GRK5: variants seen among roughly 807,000 people sequenced by gnomAD.
The protein encoded by GRK5 is G protein-coupled receptor kinase 5, also known as g protein-coupled receptor kinase GRK5.
GRK5 carries 40 observed loss-of-function variants against 78.4 expected under a neutral mutation model. That is an observed-to-expected ratio of 0.51 (90% CI 0.40 to 0.66). The LOEUF (loss-of-function observed/expected upper bound fraction) is 0.66. Ranked by LOEUF, GRK5 falls within the 30% of genes least tolerant of loss-of-function variation. The pLI is 0.00. For missense variants in GRK5, 598 were observed against 759.9 expected (o/e 0.79, Z 2.50); for synonymous variants, 289 against 296.8 (o/e 0.97, Z 0.27).
intron 2 of GRK5, among the ~76,000 whole-genome samples, chr10:119,380,526 A>G (rs1851694025): frequency 6.6e-6 from 1 of 152,242 alleles, no homozygotes; most frequent in African/African-American, 2.4e-5. Context: ...ATGGCCACCA[A>G]GGAGATGGAA....
chr10:119,384,771 C>T (rs1384356809), intron 3 of GRK5, among the ~76,000 whole-genome samples: 2 of 152,114 alleles, frequency 1.3e-5, no homozygotes, highest in African/African-American at 4.8e-5. Context: ...GAGGTAGGCC[C>T]AGAACCCAGG....
At chr10:119,257,105 G>A (rs1849298960) in intron 1 of GRK5, among the ~76,000 whole-genome samples, 1 of 152,240 alleles carries the variant, frequency 6.6e-6, no homozygotes, top group African/African-American at 2.4e-5. Flanking sequence ...TTGGATGGAT[G>A]TACCACAATT....
chr10:119,311,131 T>G (rs1258393693), intron 1 of GRK5, among the ~76,000 whole-genome samples: 1 of 152,186 alleles, frequency 6.6e-6, no homozygotes, highest in Non-Finnish European at 1.5e-5. Flanking sequence ...GTGGCTTATT[T>G]GTTGTTGTTT....
intron 1 of GRK5, among the ~76,000 whole-genome samples, chr10:119,269,601 C>T (rs1257838230): frequency 3.3e-5 from 5 of 151,842 alleles, no homozygotes; most frequent in East Asian, 1.9e-4. Context: ...GAGGCCAAAG[C>T]GGGTGGATCA....
chr10:119,325,242 G>T (rs1850654310), intron 1 of GRK5, among the ~76,000 whole-genome samples: 1 of 152,206 alleles, frequency 6.6e-6, no homozygotes, highest in Non-Finnish European at 1.5e-5. Flanking sequence ...TGGGAGGAAG[G>T]CCTTACTGTC....
chr10:119,452,945 A>G lies in GRK5; in HGVS notation c.1542+137A>G, dbSNP rs538970125. ...GTTTTCTCCATGAAGGCAGCACACA[A>G]AAGCTGTCAGTGGCCAAGTAGGGAG... is the stretch of plus-strand genomic sequence containing the variant. On this transcript the variant is annotated intron_variant, in intron 14 of 15. Coordinates refer to ENST00000392870, the MANE Select transcript of GRK5 (RefSeq NM_005308.3). The surrounding 1 kb of genome is among the most constrained non-coding windows in gnomAD (Gnocchi z 4.4). 1.7e-6 allele frequency: 2 copies of G among 1,149,980 alleles called. No individual in the cohort carries two copies. The highest frequency in any genetic ancestry group is 2.3e-5 in the East Asian group (1 of 42,594). The allele number at this position is 1,149,980 out of a possible 1,614,324, so 71.2% of individuals were successfully genotyped here. A position where few individuals can be genotyped will look rare whatever the true frequency, so the allele number is the denominator to read the frequency against.
At chr10:119,330,488 C>T (rs957690388) in intron 2 of GRK5, 53 of 152,018 alleles carry the variant, frequency 3.5e-4, no homozygotes, top group African/African-American at 1.2e-3. Flanking sequence ...CTCCCAAAGG[C>T]GTTACCTCCA....
At chr10:119,352,876 C>A (rs1372712790) in intron 2 of GRK5, among the ~76,000 whole-genome samples, 2 of 152,220 alleles carry the variant, frequency 1.3e-5, no homozygotes, top group African/African-American at 4.8e-5. Context: ...TGACCAGGCC[C>A]AAGTTCTGTG....
At chr10:119,332,211 A>G (rs1850793546) in intron 2 of GRK5, among the ~76,000 whole-genome samples, 2 of 150,440 alleles carry the variant, frequency 1.3e-5, no homozygotes, top group African/African-American at 2.5e-5. Context: ...GGCTCAAGCT[A>G]TCCTCCCACC....
chr10:119,327,674 C>G (rs953328527), intron 2 of GRK5, among the ~76,000 whole-genome samples: 3 of 152,104 alleles, frequency 2.0e-5, no homozygotes, highest in African/African-American at 2.4e-5. Flanking sequence ...TTTCCAGGGC[C>G]GGGGGGACTT....
intron 1 of GRK5, among the ~76,000 whole-genome samples, chr10:119,320,831 G>A (rs907175423): frequency 2.6e-5 from 4 of 152,218 alleles, no homozygotes; most frequent in East Asian, 1.9e-4. Context: ...ACCTGAGCAC[G>A]GGGGAGGTGG....
intron 2 of GRK5, among the ~76,000 whole-genome samples, chr10:119,372,235 A>G (rs1027604108): frequency 1.3e-5 from 2 of 152,180 alleles, no homozygotes; most frequent in East Asian, 1.9e-4. Flanking sequence ...CACCCAAGCA[A>G]GGCAACCCTG....
chr10:119,247,510 G>A (rs922999270), intron 1 of GRK5, among the ~76,000 whole-genome samples: 88 of 152,340 alleles, frequency 5.8e-4, no homozygotes, highest in Middle Eastern at 3.4e-3. Context: ...GTTTACAACC[G>A]ACATCCTGGG....
intron 1 of GRK5, among the ~76,000 whole-genome samples, chr10:119,325,814 G>A (rs1564891751): frequency 6.6e-6 from 1 of 152,258 alleles, no homozygotes; most frequent in Non-Finnish European, 1.5e-5. Flanking sequence ...ATGTGGTTCT[G>A]CACGTTACAC....
At chr10:119,444,348 T>G (rs950044290) in intron 12 of GRK5, among the ~76,000 whole-genome samples, 1 of 152,026 alleles carries the variant, frequency 6.6e-6, no homozygotes, top group African/African-American at 2.4e-5. Flanking sequence ...ATGGGGGGAC[T>G]GGAAGCCAGA....
At chr10:119,245,209 C>T (rs1283842866) in intron 1 of GRK5, among the ~76,000 whole-genome samples, 5 of 151,916 alleles carry the variant, frequency 3.3e-5, no homozygotes, top group South Asian at 2.1e-4. Flanking sequence ...ACCCAGTAGG[C>T]GGAGGTTGCA....
intron 1 of GRK5, among the ~76,000 whole-genome samples, chr10:119,220,403 T>G (rs1848638856): frequency 6.6e-6 from 1 of 152,214 alleles, no homozygotes; most frequent in African/African-American, 2.4e-5. Context: ...AGAAACCCGA[T>G]TTCCTTGGTT....
In GRK5 at chr10:119,283,156, G is replaced by A. The variant is rs139758005; in HGVS notation, c.53-43360G>A. On this transcript the variant is annotated intron_variant, in intron 1 of 15. Transcript: ENST00000392870. ...ATGGTATTTTAAACTGGTAACCTTTGTCAGGATGGTGTTTTTTTTTTAAAC... is the reference window on the plus strand; with the variant it reads ...ATGGTATTTTAAACTGGTAACCTTTATCAGGATGGTGTTTTTTTTTTAAAC... Among the ~76,000 whole-genome samples the A allele has an allele frequency of 1.2e-3, 186 of 152,058 alleles. 1 individual carries two copies. Among genetic ancestry groups the A allele is most frequent in the East Asian group, 4.0e-3 (21 of 5,190 alleles).
intron 1 of GRK5, among the ~76,000 whole-genome samples, chr10:119,325,754 A>G (rs1160277805): frequency 5.9e-5 from 9 of 152,200 alleles, no homozygotes. Flanking sequence ...CCTGTCCATC[A>G]TCCCTTGGAC....
Sources: gnomAD v4.1 joint callset for allele counts (sites outside exome capture counted in the v4.1 genomes callset) on GRCh38, gnomAD v4.1.1 for gene constraint, Gnocchi (gnomAD v3.1) non-coding constraint, MANE v1.5 for transcripts, NCBI Gene and HGNC (gene_info 2026-07-23, HGNC 2026-07-21) for gene names.